Variants in ATP6AP2 observed in about 807,000 individuals in gnomAD.
ATP6AP2 encodes the protein ATPase H+ transporting accessory protein 2.
In ATP6AP2, 1 loss-of-function variant was observed where a neutral mutation model predicts 23.4. The ratio of observed to expected loss-of-function variants is 0.04; its 90% CI spans 0.02 to 0.20. The LOEUF (loss-of-function observed/expected upper bound fraction) is 0.20. ATP6AP2 is among the 10% of genes least tolerant of loss of function. The pLI, the probability that ATP6AP2 is intolerant of heterozygous loss-of-function variation, is 1.00. For synonymous variants in ATP6AP2, 90 were observed against 97.1 expected, an observed-to-expected ratio of 0.93 and a Z score of 0.43; for missense variants, 174 against 271.3, an observed-to-expected ratio of 0.64 and a Z score of 2.52.
intron 5 of ATP6AP2, 142 bp from the exon 6 acceptor site, chrX:40,598,539 A>G (rs1191018050): frequency 1.8e-5 from 11 of 618,090 alleles, no homozygotes; most frequent in Non-Finnish European, 2.4e-5. Flanking sequence ...AATTGAAGCA[A>G]ACATACCAAA....
intron 6 of ATP6AP2, chrX:40,598,947 A>G (rs1008532765): frequency 1.4e-5 from 6 of 422,686 alleles, no homozygotes; most frequent in East Asian, 4.0e-5. Context: ...GAGAGACAAC[A>G]TATCTTCCAA....
At chrX:40,592,740 T>C (rs1035478118) in intron 3 of ATP6AP2, among the ~76,000 whole-genome samples, 1 of 111,211 alleles carries the variant, frequency 9.0e-6, no homozygotes. Context: ...GTGGTCTATG[T>C]GATGCTGAAG....
chrX:40,598,517 A>G (rs1245807491), intron 5 of ATP6AP2, 164 bp from the exon 6 acceptor site: 6 of 525,449 alleles, frequency 1.1e-5, no homozygotes, highest in Non-Finnish European at 2.0e-5. Flanking sequence ...ATAATGTTTT[A>G]TATGCATTTT....
chrX:40,586,462 G>A (rs778173825), intron 1 of ATP6AP2, among the ~76,000 whole-genome samples: 1 of 111,685 alleles, frequency 9.0e-6, no homozygotes, highest in South Asian at 3.8e-4. Context: ...TTTGTGGTGG[G>A]GAGAGGAAGC....
At position 40,591,221 on chromosome X, in the gene ATP6AP2, T is replaced by C; in HGVS notation, c.169-13T>C. The stretch of plus-strand genomic sequence containing the variant: ...TGATAATTAAGCACCGCTTTGTGCT[T>C]TTCAATGTTTAGGACCTTTCTTGGC... On this transcript the variant is annotated splice_polypyrimidine_tract_variant and intron_variant, in intron 2 of 8. Transcript: ENST00000636580. The C allele has an allele frequency of 8.3e-7, 1 of 1,210,204 alleles. No homozygotes were observed. Among genetic ancestry groups the C allele is most frequent in the Non-Finnish European group, 1.1e-6 (1 of 895,385 alleles).
chrX:40,593,546 G>A (rs1352244041), intron 3 of ATP6AP2, among the ~76,000 whole-genome samples: 11 of 108,434 alleles, frequency 1.0e-4, no homozygotes, highest in East Asian at 8.7e-4. Context: ...TTGCTCTGTC[G>A]CCCAGGTTGG....
At chrX:40,581,188 C>G (rs1013257606) in intron 1 of ATP6AP2, 86 bp downstream of exon 1, 3 of 961,148 alleles carry the variant, frequency 3.1e-6, no homozygotes, top group African/African-American at 4.1e-5. Context: ...GGGCGAGTAG[C>G]TGCGAGGCAG....
At chrX:40,605,263 A>G (rs1225102487) in intron 8 of ATP6AP2, 2 of 284,030 alleles carry the variant, frequency 7.0e-6, no homozygotes, top group Non-Finnish European at 1.2e-5. Context: ...GTCTCTTGGT[A>G]CACATATAGA....
rs1304045511 is a variant in ATP6AP2, at chrX:40,606,775, TC to T, written c.*1022del. ...TTTACACTTGTTTATTCTCGCTGCC[TC>T]CTGAGATTTAGTACTAATGTAAGGA... On this transcript the variant is annotated 3_prime_UTR_variant, in exon 9 of 9. Coordinates refer to ENST00000636580, the MANE Select transcript of ATP6AP2 (RefSeq NM_005765.3). The T allele has an allele frequency of 1.8e-5, 2 of 112,522 alleles. No individual in the cohort carries two copies. Among genetic ancestry groups the T allele is most frequent in the Non-Finnish European group, 3.8e-5 (2 of 53,266 alleles). The allele number at this position is 112,522 out of a possible 1,213,427, so 9.3% of individuals were successfully genotyped here.
At chrX:40,602,934 TTTTTTTTG>T (rs1926971624) in intron 8 of ATP6AP2, among the ~76,000 whole-genome samples, 5 of 10,526 alleles carry the variant, frequency 4.8e-4, no homozygotes, top group Non-Finnish European at 7.1e-4. Flanking sequence ...TTTTTTTTTT[TTTTTTTTG>T]GATTTTTTGG....
At chrX:40,600,942 A>C (rs1167003467) in intron 8 of ATP6AP2, 61 bp downstream of exon 8, 6 of 1,128,017 alleles carry the variant, frequency 5.3e-6, no homozygotes, top group Non-Finnish European at 7.2e-6. Flanking sequence ...AAAAAAAAAA[A>C]AACCAAGTCC....
intron 1 of ATP6AP2, among the ~76,000 whole-genome samples, chrX:40,585,319 G>T (rs1219843529): frequency 9.0e-6 from 1 of 111,559 alleles, no homozygotes; most frequent in African/African-American, 3.3e-5. Flanking sequence ...TGGGCTGACA[G>T]GGTTGAAATC....
chrX:40,596,148 C>T (rs1926769729), intron 3 of ATP6AP2, among the ~76,000 whole-genome samples: 1 of 109,438 alleles, frequency 9.1e-6, no homozygotes, highest in African/African-American at 3.4e-5. Context: ...CACTGTACTC[C>T]AGCCTGGGCA....
chrX:40,602,350 G>A (rs770563964), intron 8 of ATP6AP2, among the ~76,000 whole-genome samples: 4 of 97,410 alleles, frequency 4.1e-5, no homozygotes, highest in Non-Finnish European at 7.7e-5. Flanking sequence ...TTCTCTTACA[G>A]AGTAAATAAA....
chrX:40,603,496 A>G (rs972373048), intron 8 of ATP6AP2: 1 of 110,758 alleles, frequency 9.0e-6, no homozygotes, highest in African/African-American at 3.3e-5. Flanking sequence ...ACTCTCTTCC[A>G]TTAGTTTAAG....
intron 1 of ATP6AP2, 138 bp downstream of exon 1, chrX:40,581,240 G>A: frequency 2.9e-6 from 2 of 692,051 alleles, no homozygotes; most frequent in Non-Finnish European, 1.9e-6. Context: ...CGCCTCAGCC[G>A]CGTCCCCGTC....
intron 4 of ATP6AP2, 48 bp downstream of exon 4, chrX:40,597,392 A>G (rs752801515): frequency 9.2e-7 from 1 of 1,087,763 alleles, no homozygotes; most frequent in South Asian, 2.0e-5. Context: ...ATAAGCTTTT[A>G]TTATTTGAAA....
At chrX:40,587,125 C>T (rs1310993247) in intron 1 of ATP6AP2, among the ~76,000 whole-genome samples, 2 of 111,387 alleles carry the variant, frequency 1.8e-5, no homozygotes, top group Non-Finnish European at 3.8e-5. Context: ...CAAAATTTAG[C>T]CAGGCATGGT....
intron 8 of ATP6AP2, chrX:40,603,275 A>T (rs1926985505): frequency 9.2e-6 from 1 of 108,585 alleles, no homozygotes; most frequent in South Asian, 4.0e-4. Context: ...TTCTAGAATT[A>T]GATTGTGGTG....
Sources: allele counts gnomAD v4.1 joint callset (sites outside exome capture counted in the v4.1 genomes callset), GRCh38; gene constraint gnomAD v4.1.1; transcripts MANE v1.5; gene names NCBI Gene and HGNC (gene_info 2026-07-23, HGNC 2026-07-21).